INO80C: variants seen among roughly 807,000 people sequenced by gnomAD.
INO80C encodes the protein IES6 homolog.
INO80C carries 17 observed loss-of-function variants against 17.7 expected under a neutral mutation model. The ratio of observed to expected loss-of-function variants is 0.96; its 90% CI spans 0.66 to 1.44. INO80C has a LOEUF of 1.44. Among genes scored for constraint, INO80C ranks in the 40% most tolerant of loss-of-function variants. The pLI, the probability that INO80C is intolerant of heterozygous loss-of-function variation, is 0.00. For missense variants in INO80C, 244 were observed against 245.0 expected (o/e 1.00, Z 0.03); for synonymous variants, 96 against 95.8 (o/e 1.00, Z -0.01).
At chr18:35,480,915 C>A (rs571703091) in intron 1 of INO80C, among the ~76,000 whole-genome samples, 11 of 152,306 alleles carry the variant, frequency 7.2e-5, no homozygotes, top group Admixed American at 7.2e-4. Flanking sequence ...AAACTGAGGC[C>A]CAGGGGAACA....
At chr18:35,480,765 C>T (rs1419024507) in intron 1 of INO80C, among the ~76,000 whole-genome samples, 2 of 152,216 alleles carry the variant, frequency 1.3e-5, no homozygotes, top group East Asian at 1.9e-4. Flanking sequence ...ACAGGAGAAA[C>T]AGGCCAGGAC....
intron 1 of INO80C, among the ~76,000 whole-genome samples, chr18:35,484,523 A>G (rs1365746752): frequency 6.6e-6 from 1 of 152,226 alleles, no homozygotes; most frequent in East Asian, 1.9e-4. Context: ...TTGGTGGGGG[A>G]AAAATGCATC....
intron 1 of INO80C, among the ~76,000 whole-genome samples, chr18:35,486,431 G>A (rs959778328): frequency 2.0e-5 from 3 of 152,110 alleles, no homozygotes; most frequent in African/African-American, 4.8e-5. Flanking sequence ...AAATTAGATA[G>A]GATATTGTGA....
At chr18:35,473,252 G>A (rs1293452160) in intron 4 of INO80C, among the ~76,000 whole-genome samples, 2 of 152,134 alleles carry the variant, frequency 1.3e-5, no homozygotes, top group Non-Finnish European at 2.9e-5. Context: ...TGCCATAAAC[G>A]ACTATTACAA....
At chr18:35,485,708 C>CA (rs1243189441) in intron 1 of INO80C, among the ~76,000 whole-genome samples, 9 of 152,120 alleles carry the variant, frequency 5.9e-5, no homozygotes, top group Non-Finnish European at 1.0e-4. Flanking sequence ...TCTAGGTATA[C>CA]ACTCAAAGAG....
At chr18:35,489,267 G>T in intron 1 of INO80C, 1 of 255,998 alleles carries the variant, frequency 3.9e-6, no homozygotes, top group Non-Finnish European at 7.7e-6. Flanking sequence ...CCATTTTCAT[G>T]CTGCTGATAA....
In INO80C at chr18:35,491,445, T is replaced by C. The variant is rs551239087; in HGVS notation, c.156+6274A>G. Among the ~76,000 whole-genome samples, 38 of 152,140 alleles carry C rather than the reference T, an allele frequency of 2.5e-4. No homozygotes were observed. In the East Asian group the frequency reaches 7.0e-3, roughly 28 times the overall value. ...CCTCTGCCAGACCCCCGCTGGGAAG[T>C]CAGGCTGAAGAGAGGGCAGAGAAAG... On this transcript the variant is annotated intron_variant, in intron 1 of 4. Transcript: ENST00000334598.
intron 1 of INO80C, chr18:35,487,450 A>C: frequency 3.0e-6 from 1 of 336,300 alleles, no homozygotes. Context: ...CTTACGTGGC[A>C]GCAGGCAAGA....
chr18:35,486,011 C>A (rs973393705), intron 1 of INO80C, among the ~76,000 whole-genome samples: 2 of 152,162 alleles, frequency 1.3e-5, no homozygotes, highest in African/African-American at 4.8e-5. Flanking sequence ...TGCCTGTAGT[C>A]CCAGCTACTC....
chr18:35,469,654 G>C (rs897354735), intron 4 of INO80C, among the ~76,000 whole-genome samples: 1 of 152,150 alleles, frequency 6.6e-6, no homozygotes, highest in Non-Finnish European at 1.5e-5. Context: ...TTTCACAGCA[G>C]CAAAAATATT....
chr18:35,474,988 G>C (rs1289740054), intron 4 of INO80C, among the ~76,000 whole-genome samples: 1 of 152,066 alleles, frequency 6.6e-6, no homozygotes, highest in Non-Finnish European at 1.5e-5. Context: ...TAGAAGAAGG[G>C]AAAAAGACAA....
chr18:35,479,023 G>C, intron 3 of INO80C: 1 of 278,058 alleles, frequency 3.6e-6, no homozygotes, highest in Middle Eastern at 1.1e-3. Flanking sequence ...GTAGACTTTT[G>C]AATAAGAAGT....
chr18:35,487,396 G>A (rs757853582), intron 1 of INO80C: 33 of 396,396 alleles, frequency 8.3e-5, no homozygotes, highest in African/African-American at 1.3e-4. Flanking sequence ...ATTTCCACGC[G>A]GCTGGGGAGG....
intron 1 of INO80C, among the ~76,000 whole-genome samples, chr18:35,493,930 A>G (rs1468446853): frequency 6.6e-6 from 1 of 152,232 alleles, no homozygotes; most frequent in Admixed American, 6.5e-5. Flanking sequence ...CCTCTAACTC[A>G]AGAAATACAA....
intron 1 of INO80C, among the ~76,000 whole-genome samples, chr18:35,481,256 T>C (rs2045805354): frequency 6.6e-6 from 1 of 152,196 alleles, no homozygotes; most frequent in Admixed American, 6.5e-5. Context: ...GCAAAAAACC[T>C]TTAAGCTAAC....
chr18:35,473,073 C>G (rs989122039), intron 4 of INO80C, among the ~76,000 whole-genome samples: 1 of 152,150 alleles, frequency 6.6e-6, no homozygotes, highest in African/African-American at 2.4e-5. Context: ...GTGTGAAAAC[C>G]ATTGTACTAG....
intron 1 of INO80C, among the ~76,000 whole-genome samples, chr18:35,482,679 T>C (rs944864213): frequency 2.6e-5 from 4 of 152,204 alleles, no homozygotes; most frequent in African/African-American, 4.8e-5. Flanking sequence ...CTTTAAGAAC[T>C]GAGAGGCTGC....
chr18:35,477,387 C>T (rs529918154), intron 4 of INO80C, among the ~76,000 whole-genome samples: 206 of 152,230 alleles, frequency 1.4e-3, no homozygotes, highest in African/African-American at 4.8e-3. Flanking sequence ...ATAATAATAA[C>T]AAAGGAGGCA....
intron 4 of INO80C, 94 bp downstream of exon 4, chr18:35,478,188 G>T: frequency 1.0e-6 from 1 of 965,796 alleles, no homozygotes; most frequent in Non-Finnish European, 1.6e-6. Flanking sequence ...GCTCCAGGCA[G>T]GACCAGCCAT....
Sources: allele counts gnomAD v4.1 joint callset (sites outside exome capture counted in the v4.1 genomes callset), GRCh38; gene constraint gnomAD v4.1.1; transcripts MANE v1.5; gene names NCBI Gene and HGNC (gene_info 2026-07-23, HGNC 2026-07-21).